OR10J1: variants seen among roughly 807,000 people sequenced by gnomAD.
OR10J1 encodes olfactory receptor family 10 subfamily J member 1.
For missense variants in OR10J1, 474 were observed against 376.6 expected, an observed-to-expected ratio of 1.26 and a Z score of -2.14; for synonymous variants, 202 against 143.8, an observed-to-expected ratio of 1.40 and a Z score of -2.89.
chr1:159,414,230 C>T, the OR10J1 span, among the ~76,000 whole-genome samples: 1 of 152,068 alleles, frequency 6.6e-6, no homozygotes, highest in Non-Finnish European at 1.5e-5. Flanking sequence ...ACCAACTTCT[C>T]TTCATCACCA....
the OR10J1 span, among the ~76,000 whole-genome samples, chr1:159,425,092 A>T: frequency 6.6e-6 from 1 of 152,184 alleles, no homozygotes; most frequent in Non-Finnish European, 1.5e-5. Flanking sequence ...GTGATATAAA[A>T]TTATTTCTAA....
upstream of OR10J1, among the ~76,000 whole-genome samples, chr1:159,436,322 A>G (rs1655736056): frequency 6.6e-6 from 1 of 152,184 alleles, no homozygotes; most frequent in Non-Finnish European, 1.5e-5. Context: ...GAGAGTTGGC[A>G]TGAATGAACC....
chr1:159,410,712 G>C, the OR10J1 span, among the ~76,000 whole-genome samples: 1 of 150,576 alleles, frequency 6.6e-6, no homozygotes, highest in South Asian at 2.1e-4. Context: ...GTTCTGCTCT[G>C]ATTTTAGTTA....
At chr1:159,412,411 G>C in the OR10J1 span, among the ~76,000 whole-genome samples, 13 of 149,480 alleles carry the variant, frequency 8.7e-5, no homozygotes, top group African/African-American at 3.2e-4. Context: ...AAAGCTGGAG[G>C]CATCACGCTA....
chr1:159,416,983 A>C, the OR10J1 span, among the ~76,000 whole-genome samples: 1 of 151,784 alleles, frequency 6.6e-6, no homozygotes, highest in Admixed American at 6.6e-5. Flanking sequence ...TCTCTTGGTT[A>C]GTCCATCTAG....
rs772340507 is a variant in OR10J1, at chr1:159,440,756, T to A, written c.*35T>A. The A allele has an allele frequency of 5.0e-6, 8 of 1,584,278 alleles. No individual in the cohort carries two copies. The Admixed American group carries it at 6.8e-5, about 14-fold the overall frequency. On this transcript the variant is annotated 3_prime_UTR_variant, in exon 1 of 1. Coordinates refer to ENST00000423932, the MANE Select transcript of OR10J1 (RefSeq NM_012351.3). ...AAGAGTTCTCCTGAGGCTGTCAACA[T>A]CCACACTAGGCAGGAATATGAGGTG...
In OR10J1 at chr1:159,440,935, A is replaced by T; in HGVS notation, c.*214A>T. The T allele has an allele frequency of 3.9e-6, 2 of 510,778 alleles. No individual in the cohort carries two copies. Among genetic ancestry groups the T allele is most frequent in the Non-Finnish European group, 6.8e-6 (2 of 295,420 alleles). The allele number at this position is 510,778 out of a possible 1,614,324, so 31.6% of individuals were successfully genotyped here. Reference sequence around the variant, plus strand: ...TTTGGGGATAAATAGACAAACAAGGATAAGATATGCCTAAATAAAAGGCCA... The same window carrying T: ...TTTGGGGATAAATAGACAAACAAGGTTAAGATATGCCTAAATAAAAGGCCA... On this transcript the variant is annotated 3_prime_UTR_variant, in exon 1 of 1. Coordinates refer to ENST00000423932, the MANE Select transcript of OR10J1 (RefSeq NM_012351.3).
the OR10J1 span, among the ~76,000 whole-genome samples, chr1:159,409,682 A>C: frequency 2.6e-5 from 4 of 152,146 alleles, no homozygotes; most frequent in African/African-American, 9.6e-5. Flanking sequence ...TCTCTCCATT[A>C]TTTTAATGGC....
the OR10J1 span, among the ~76,000 whole-genome samples, chr1:159,409,697 A>G: frequency 5.8e-4 from 88 of 152,168 alleles, no homozygotes; most frequent in African/African-American, 2.1e-3. Context: ...AATGGCTCAA[A>G]TGTTGAAGAC....
chr1:159,402,628 A>G, the OR10J1 span, among the ~76,000 whole-genome samples: 1 of 152,126 alleles, frequency 6.6e-6, no homozygotes, highest in African/African-American at 2.4e-5. Context: ...CAAAAAAAGG[A>G]AAAAGATTCC....
At chr1:159,429,042 C>T in the OR10J1 span, among the ~76,000 whole-genome samples, 2 of 152,298 alleles carry the variant, frequency 1.3e-5, no homozygotes, top group African/African-American at 2.4e-5. Flanking sequence ...GGCTCACCTT[C>T]TAAAAGGAAA....
At chr1:159,411,599 C>T in the OR10J1 span, among the ~76,000 whole-genome samples, 1 of 152,098 alleles carries the variant, frequency 6.6e-6, no homozygotes, top group Non-Finnish European at 1.5e-5. Flanking sequence ...TGTCTCTGCA[C>T]ATGAGATGGG....
chr1:159,399,114 G>T, the OR10J1 span, among the ~76,000 whole-genome samples: 1 of 151,738 alleles, frequency 6.6e-6, no homozygotes, highest in Non-Finnish European at 1.5e-5. Context: ...AACATTACAG[G>T]CCAGGAGAGA....
chr1:159,404,636 T>C, the OR10J1 span, among the ~76,000 whole-genome samples: 4 of 152,142 alleles, frequency 2.6e-5, no homozygotes, highest in Non-Finnish European at 5.9e-5. Context: ...GCCTTGCCTG[T>C]ACTATCCAAT....
At chr1:159,432,447 A>T in the OR10J1 span, 1 of 407,820 alleles carries the variant, frequency 2.5e-6, no homozygotes, top group Non-Finnish European at 4.4e-6. Flanking sequence ...CAACCCCCAA[A>T]TGCTGTCCGG....
the OR10J1 span, among the ~76,000 whole-genome samples, chr1:159,403,932 T>TA: frequency 6.6e-6 from 1 of 151,962 alleles, no homozygotes; most frequent in East Asian, 1.9e-4. Flanking sequence ...TGTTCAGCCA[T>TA]AAAAAAAGAA....
chr1:159,397,959 A>G, the OR10J1 span, among the ~76,000 whole-genome samples: 5 of 152,174 alleles, frequency 3.3e-5, no homozygotes, highest in African/African-American at 1.2e-4. Flanking sequence ...CCCCAGCACT[A>G]TCCTGGCTTC....
At chr1:159,412,881 A>G in the OR10J1 span, among the ~76,000 whole-genome samples, 1 of 151,864 alleles carries the variant, frequency 6.6e-6, no homozygotes, top group Non-Finnish European at 1.5e-5. Context: ...AAAAGAAACT[A>G]CCATCAGAGT....
upstream of OR10J1, chr1:159,437,973 C>T (rs982971444): frequency 1.3e-5 from 2 of 152,490 alleles, no homozygotes; most frequent in Admixed American, 6.5e-5. Flanking sequence ...GGGAGCCTGA[C>T]ATTTCAATCT....
Sources: allele counts gnomAD v4.1 joint callset (sites outside exome capture counted in the v4.1 genomes callset), GRCh38; gene constraint gnomAD v4.1.1; transcripts MANE v1.5; gene names NCBI Gene and HGNC (gene_info 2026-07-23, HGNC 2026-07-21).